CDH8: variants seen among roughly 807,000 people sequenced by gnomAD.
CDH8 encodes cadherin-8.
In CDH8, 17 loss-of-function variants were observed where a neutral mutation model predicts 68.1. The observed-to-expected ratio is 0.25, with a 90% CI of 0.17 to 0.37. CDH8 has a LOEUF of 0.37. Among genes scored for constraint, CDH8 ranks in the 10% least tolerant of loss-of-function variants. The pLI is 1.00. For synonymous variants in CDH8, 372 were observed against 365.1 expected, an observed-to-expected ratio of 1.02 and a Z score of -0.21; for missense variants, 763 against 999.3, an observed-to-expected ratio of 0.76 and a Z score of 3.19.
At chr16:61,795,923 T>C (rs1489836908) in intron 7 of CDH8, among the ~76,000 whole-genome samples, 1 of 152,058 alleles carries the variant, frequency 6.6e-6, no homozygotes, top group Non-Finnish European at 1.5e-5. Flanking sequence ...AGTTTGCTGA[T>C]TGACCCTTTT....
At chr16:61,997,999 C>T (rs1224059652) in intron 2 of CDH8, among the ~76,000 whole-genome samples, 1 of 151,966 alleles carries the variant, frequency 6.6e-6, no homozygotes, top group Non-Finnish European at 1.5e-5. Context: ...GAATAACTGA[C>T]AAAATTTTTA....
chr16:62,026,917 T>A (rs963819984), intron 1 of CDH8, among the ~76,000 whole-genome samples: 3 of 152,228 alleles, frequency 2.0e-5, no homozygotes, highest in Non-Finnish European at 2.9e-5. Context: ...GTCAGTGTTA[T>A]CAGTATTAAT....
intron 8 of CDH8, among the ~76,000 whole-genome samples, chr16:61,778,662 A>G (rs886376462): frequency 6.6e-6 from 1 of 152,150 alleles, no homozygotes; most frequent in Admixed American, 6.5e-5. Flanking sequence ...TAGTACTATC[A>G]TTTTTATTTC....
chr16:61,856,663 TACC>T (rs2143015381), intron 4 of CDH8, among the ~76,000 whole-genome samples: 1 of 152,316 alleles, frequency 6.6e-6, no homozygotes, highest in African/African-American at 2.4e-5. Context: ...ACTGAATGAT[TACC>T]ACATGACGTG....
At chr16:61,744,772 C>A (rs936595056) in intron 8 of CDH8, among the ~76,000 whole-genome samples, 1 of 150,984 alleles carries the variant, frequency 6.6e-6, no homozygotes, top group Non-Finnish European at 1.5e-5. Context: ...TAAAGTATAT[C>A]TTAAATAATG....
At chr16:61,801,301 T>A (rs1961621905) in intron 7 of CDH8, among the ~76,000 whole-genome samples, 1 of 152,226 alleles carries the variant, frequency 6.6e-6, no homozygotes, top group Non-Finnish European at 1.5e-5. Context: ...CAACTTAACT[T>A]GCCACTATGA....
chr16:62,025,534 G>A (rs1440119235), intron 1 of CDH8, among the ~76,000 whole-genome samples: 1 of 152,106 alleles, frequency 6.6e-6, no homozygotes, highest in Non-Finnish European at 1.5e-5. Flanking sequence ...TAGCCCCGGG[G>A]AGAAATTAGC....
chr16:61,989,105 T>A (rs887458077), intron 2 of CDH8, among the ~76,000 whole-genome samples: 1 of 152,186 alleles, frequency 6.6e-6, no homozygotes, highest in Non-Finnish European at 1.5e-5. Flanking sequence ...ACTGGAGACT[T>A]CTGCAACCCT....
rs568763466 is a variant in CDH8 at position 61,682,114 on chromosome 16, CTT to C, written c.1655-26395_1655-26394del. On this transcript the variant is annotated intron_variant, in intron 10 of 11. Coordinates refer to ENST00000577390, the MANE Select transcript of CDH8 (RefSeq NM_001796.5). ...ATAACAAAAAAAGATAATATTCAATCTTTTTTTCTCTCCTTGTGAAAAGTGAA... is the reference window on the plus strand; with the variant it reads ...ATAACAAAAAAAGATAATATTCAATCTTTTTCTCTCCTTGTGAAAAGTGAA... Among the ~76,000 whole-genome samples, 299 of 151,908 alleles carry C rather than the reference CTT, an allele frequency of 2.0e-3. 1 individual carries two copies. Among genetic ancestry groups the C allele is most frequent in the African/African-American group, 6.8e-3 (284 of 41,490 alleles).
At chr16:61,787,941 T>TA (rs34480891) in intron 8 of CDH8, among the ~76,000 whole-genome samples, 13,853 of 78,580 alleles carry the variant, frequency 0.18, 1,383 homozygotes, top group East Asian at 0.43. Context: ...GGGACTGTGG[T>TA]GGGGGGGGCG....
intron 4 of CDH8, among the ~76,000 whole-genome samples, chr16:61,847,236 G>T (rs940341149): frequency 1.3e-5 from 2 of 151,916 alleles, no homozygotes; most frequent in Non-Finnish European, 2.9e-5. Flanking sequence ...GCCCTGCAAT[G>T]CATAGTGAGG....
chr16:61,792,535 G>A (rs1367172393), intron 7 of CDH8, among the ~76,000 whole-genome samples: 5 of 151,978 alleles, frequency 3.3e-5, no homozygotes, highest in Non-Finnish European at 7.4e-5. Flanking sequence ...ACCAAGCACA[G>A]TGCTAGATTC....
chr16:61,661,432 G>T (rs939465482), intron 10 of CDH8, among the ~76,000 whole-genome samples: 1 of 151,740 alleles, frequency 6.6e-6, no homozygotes, highest in Non-Finnish European at 1.5e-5. Context: ...CTAATAATAG[G>T]AAGAAATTTG....
intron 2 of CDH8, among the ~76,000 whole-genome samples, chr16:61,958,506 G>A (rs1965023693): frequency 6.6e-6 from 1 of 152,090 alleles, no homozygotes; most frequent in Admixed American, 6.6e-5. Context: ...AAAGCCTTTT[G>A]TATACCATTG....
intron 2 of CDH8, among the ~76,000 whole-genome samples, chr16:62,003,338 G>T (rs533950609): frequency 6.6e-6 from 1 of 151,980 alleles, no homozygotes; most frequent in Admixed American, 6.6e-5. Context: ...TTAAAATTTT[G>T]CACAAAAGAT....
chr16:62,026,123 G>T (rs1467046625), intron 1 of CDH8, among the ~76,000 whole-genome samples: 1 of 152,070 alleles, frequency 6.6e-6, no homozygotes, highest in Non-Finnish European at 1.5e-5. Context: ...TGATTTTCCT[G>T]GTATAAATAC....
At chr16:61,812,016 T>C (rs1961960247) in intron 7 of CDH8, among the ~76,000 whole-genome samples, 2 of 152,110 alleles carry the variant, frequency 1.3e-5, no homozygotes, top group South Asian at 4.1e-4. Context: ...TGTGCACTTA[T>C]AAATCTTATA....
At chr16:61,815,600 T>A (rs1296512938) in intron 7 of CDH8, among the ~76,000 whole-genome samples, 1 of 152,188 alleles carries the variant, frequency 6.6e-6, no homozygotes, top group East Asian at 1.9e-4. Context: ...ATTATTGTGC[T>A]GATATCTGAA....
In CDH8 at chr16:62,025,480, G is replaced by C. The variant is rs140857302; in HGVS notation, c.-199-3878C>G. 4.8e-3 allele frequency among the ~76,000 whole-genome samples: 730 copies of C among 152,156 alleles called. 3 individuals carry two copies. The highest frequency in any genetic ancestry group is 0.012 in the South Asian group (59 of 4,792). On this transcript the variant is annotated intron_variant, in intron 1 of 11. Coordinates refer to ENST00000577390, the MANE Select transcript of CDH8 (RefSeq NM_001796.5). ...TCCCGTGCAACTTCCCAATTTTCAG[G>C]GGTTTCTAGGGGTGAGATGGCCAAT... is the stretch of plus-strand genomic sequence containing the variant.
Sources: allele counts gnomAD v4.1 joint callset (sites outside exome capture counted in the v4.1 genomes callset), GRCh38; gene constraint gnomAD v4.1.1; transcripts MANE v1.5; gene names NCBI Gene and HGNC (gene_info 2026-07-23, HGNC 2026-07-21).